VPS53: variants seen among roughly 807,000 people sequenced by gnomAD.
The protein encoded by VPS53 is vacuolar protein sorting-associated protein 53 homolog.
A neutral mutation model predicts 107.0 loss-of-function variants in VPS53; 70 were observed. The ratio of observed to expected loss-of-function variants is 0.65; its 90% CI spans 0.54 to 0.80. VPS53 has a LOEUF of 0.80. Ranked by LOEUF, VPS53 falls within the 30% of genes least tolerant of loss-of-function variation. The probability of loss-of-function intolerance (pLI) is 0.00; values close to 1 mark genes in which losing one functional copy is unlikely to be tolerated. For missense variants in VPS53, 917 were observed against 1,049.4 expected (o/e 0.87, Z 1.74); for synonymous variants, 409 against 393.3 (o/e 1.04, Z -0.47).
intron 11 of VPS53, among the ~76,000 whole-genome samples, chr17:605,959 C>T (rs1161968688): frequency 6.6e-6 from 1 of 152,028 alleles, no homozygotes; most frequent in East Asian, 1.9e-4. Context: ...AAAAATATTC[C>T]ACTGCTGTAG....
intron 17 of VPS53, chr17:537,684 G>GACA (rs1427353606): frequency 6.5e-6 from 1 of 152,886 alleles, no homozygotes; most frequent in Admixed American, 6.5e-5. Flanking sequence ...GAAATGATAT[G>GACA]ACACGTGGGG....
At chr17:657,146 T>C (rs1342347220) in intron 5 of VPS53, 15 of 1,446,872 alleles carry the variant, frequency 1.0e-5, no homozygotes, top group Admixed American at 3.4e-5. Flanking sequence ...GGGTAGCGGA[T>C]GGTGCGAGCA....
chr17:619,987 G>A (rs1326717140), intron 11 of VPS53, among the ~76,000 whole-genome samples: 5 of 151,292 alleles, frequency 3.3e-5, no homozygotes, highest in African/African-American at 7.3e-5. Context: ...CGCCCCGCTA[G>A]TATTTCCTTT....
intron 15 of VPS53, among the ~76,000 whole-genome samples, chr17:558,121 A>G (rs1338372961): frequency 2.6e-5 from 4 of 152,204 alleles, no homozygotes; most frequent in African/African-American, 7.2e-5. Flanking sequence ...TGGCTTCCCA[A>G]TATGCTAGGA....
At chr17:584,384 A>G (rs1967207313) in intron 13 of VPS53, among the ~76,000 whole-genome samples, 2 of 152,134 alleles carry the variant, frequency 1.3e-5, no homozygotes, top group African/African-American at 4.8e-5. Flanking sequence ...GAGCACGAAC[A>G]CAGTCTTCGG....
rs768663474 is a variant in VPS53, at chr17:714,612, G to A, written c.87+11C>T. 2 of 1,606,638 alleles carry A rather than the reference G, an allele frequency of 1.2e-6. No individual in the cohort carries two copies. Among genetic ancestry groups the A allele is most frequent in the Admixed American group, 3.4e-5 (2 of 59,552 alleles). ...ACTCCCGTTTCCCCTCCTGAGGGGC[G>A]GAACGCTTACCTGCTCGATGGCCAG... On this transcript the variant is annotated intron_variant, in intron 1 of 21. Transcript: ENST00000437048.
chr17:656,008 A>G, intron 5 of VPS53, 55 bp from the exon 6 acceptor site: 1 of 1,455,514 alleles, frequency 6.9e-7, no homozygotes, highest in East Asian at 2.3e-5. Flanking sequence ...AAGATGTAAA[A>G]CACTTCTGCA....
chr17:668,952 T>C (rs569152089), intron 4 of VPS53, among the ~76,000 whole-genome samples: 2 of 152,296 alleles, frequency 1.3e-5, no homozygotes, highest in East Asian at 1.9e-4. Context: ...GTCTCCAAGA[T>C]AGATAAACTA....
chr17:539,945 GGTCTATCTAAAGCCCAAACCAA>G (rs1206569432), intron 17 of VPS53, among the ~76,000 whole-genome samples: 5 of 151,888 alleles, frequency 3.3e-5, no homozygotes, highest in South Asian at 2.1e-4. Context: ...GCCCAAACCA[GGTCTATCTAAAGCCCAAACCAA>G]GTCTATCTAA....
chr17:670,968 C>T (rs367991955), intron 4 of VPS53, among the ~76,000 whole-genome samples: 8 of 152,152 alleles, frequency 5.3e-5, no homozygotes, highest in Non-Finnish European at 1.0e-4. Context: ...CAGTGGCTCA[C>T]GCCTGTAATC....
chr17:625,075 T>G (rs895951482), intron 10 of VPS53, among the ~76,000 whole-genome samples: 1 of 151,362 alleles, frequency 6.6e-6, no homozygotes, highest in Admixed American at 6.6e-5. Flanking sequence ...TACTGCAACC[T>G]TGACCTGGGC....
intron 10 of VPS53, among the ~76,000 whole-genome samples, chr17:624,992 CTTCT>C (rs1417607016): frequency 3.5e-5 from 4 of 113,030 alleles, no homozygotes; most frequent in Non-Finnish European, 5.2e-5. Flanking sequence ...CTTTCTCTCT[CTTCT>C]TTTTTTTTTT....
chr17:623,040 A>G (rs553228381), intron 11 of VPS53, among the ~76,000 whole-genome samples: 1 of 152,240 alleles, frequency 6.6e-6, no homozygotes, highest in East Asian at 1.9e-4. Flanking sequence ...TTGACTACAC[A>G]GAGACAAACG....
chr17:629,485 C>T (rs75382213), intron 8 of VPS53, among the ~76,000 whole-genome samples: 37 of 152,138 alleles, frequency 2.4e-4, no homozygotes, highest in Admixed American at 9.2e-4. Flanking sequence ...AGGCTGGGAG[C>T]GGTGGCTCAC....
At chr17:615,506 G>C (rs780263315) in intron 11 of VPS53, among the ~76,000 whole-genome samples, 2 of 152,144 alleles carry the variant, frequency 1.3e-5, no homozygotes, top group Non-Finnish European at 2.9e-5. Context: ...AGGCGGCAGT[G>C]GGGGTAGGGT....
intron 4 of VPS53, among the ~76,000 whole-genome samples, chr17:662,830 A>G (rs540325651): frequency 8.7e-6 from 1 of 115,088 alleles, no homozygotes; most frequent in East Asian, 2.3e-4. Flanking sequence ...AGAGAAAGAG[A>G]AAGAAAGGAA....
chr17:533,134 G>T, intron 18 of VPS53: 1 of 643,494 alleles, frequency 1.6e-6, no homozygotes, highest in Non-Finnish European at 2.6e-6. Flanking sequence ...TCCCATCCTA[G>T]ACTCCCAGTG....
At chr17:639,554 C>G (rs946103779) in intron 7 of VPS53, among the ~76,000 whole-genome samples, 1 of 152,044 alleles carries the variant, frequency 6.6e-6, no homozygotes, top group Admixed American at 6.6e-5. Flanking sequence ...TTTTATCTAC[C>G]TTTGGTTTTT....
At chr17:623,441 G>T in intron 11 of VPS53, 92 bp downstream of exon 11, 1 of 1,456,596 alleles carries the variant, frequency 6.9e-7, no homozygotes, top group Non-Finnish European at 9.3e-7. Context: ...AAGCACCGAA[G>T]CCAATGGATA....
Sources: gnomAD v4.1 joint callset for allele counts (sites outside exome capture counted in the v4.1 genomes callset) on GRCh38, gnomAD v4.1.1 for gene constraint, MANE v1.5 for transcripts, NCBI Gene and HGNC (gene_info 2026-07-23, HGNC 2026-07-21) for gene names.